PELI2: variants seen among roughly 807,000 people sequenced by gnomAD.
The protein encoded by PELI2 is pellino E3 ubiquitin protein ligase family member 2, also known as E3 ubiquitin-protein ligase pellino homolog 2.
A neutral mutation model predicts 42.3 loss-of-function variants in PELI2; 23 were observed. The observed-to-expected ratio is 0.54, with a 90% CI of 0.39 to 0.77. The LOEUF is 0.77. Ranked by LOEUF, PELI2 falls within the 30% of genes least tolerant of loss-of-function variation. PELI2 has a pLI of 0.00. For missense variants in PELI2, 463 were observed against 553.2 expected (o/e 0.84, Z 1.64); for synonymous variants, 245 against 212.2 (o/e 1.15, Z -1.34).
chr14:56,136,657 T>C (rs1883697578), intron 1 of PELI2, among the ~76,000 whole-genome samples: 1 of 152,168 alleles, frequency 6.6e-6, no homozygotes, highest in African/African-American at 2.4e-5. Context: ...ACTTAGTGAG[T>C]GTCAGGGGTT....
intron 2 of PELI2, among the ~76,000 whole-genome samples, chr14:56,244,075 A>G (rs1053141923): frequency 3.9e-5 from 6 of 152,178 alleles, no homozygotes; most frequent in African/African-American, 1.4e-4. Context: ...GAGTCTTCCC[A>G]GATCAAGTAC....
At chr14:56,239,766 T>G (rs10498483) in intron 2 of PELI2, among the ~76,000 whole-genome samples, 1 of 151,930 alleles carries the variant, frequency 6.6e-6, no homozygotes, top group Non-Finnish European at 1.5e-5. Flanking sequence ...GGGAAGTCCT[T>G]TAGAGAAGCA....
chr14:56,166,288 T>G (rs1884959634), intron 1 of PELI2, among the ~76,000 whole-genome samples: 2 of 152,310 alleles, frequency 1.3e-5, no homozygotes, highest in Admixed American at 1.3e-4. Context: ...CTCCACCTGC[T>G]TTTTAACTTT....
intron 5 of PELI2, 140 bp from the exon 6 acceptor site, chr14:56,296,460 C>G (rs143238628): frequency 1.5e-5 from 9 of 613,450 alleles, no homozygotes; most frequent in Non-Finnish European, 1.7e-5. Flanking sequence ...ATAGGTTACT[C>G]CCCCAGTTCT....
chr14:56,192,476 T>C (rs1885982957), intron 2 of PELI2, among the ~76,000 whole-genome samples: 1 of 152,212 alleles, frequency 6.6e-6, no homozygotes, highest in Non-Finnish European at 1.5e-5. Context: ...GCAGCATCTA[T>C]GGCCTTTACC....
chr14:56,177,621 A>G (rs757282158), intron 1 of PELI2, among the ~76,000 whole-genome samples: 2 of 152,202 alleles, frequency 1.3e-5, no homozygotes, highest in African/African-American at 4.8e-5. Context: ...AAGCACTGGT[A>G]TTAGCTAAAT....
At chr14:56,214,870 A>G (rs760205081) in intron 2 of PELI2, among the ~76,000 whole-genome samples, 20 of 152,234 alleles carry the variant, frequency 1.3e-4, no homozygotes, top group Non-Finnish European at 2.8e-4. Flanking sequence ...GAAATGACCA[A>G]GGAGATAAAC....
intron 1 of PELI2, among the ~76,000 whole-genome samples, chr14:56,137,799 G>A (rs574968019): frequency 4.6e-5 from 7 of 152,266 alleles, no homozygotes; most frequent in African/African-American, 1.7e-4. Flanking sequence ...AACATTGATC[G>A]TTGCAGAGAG....
intron 3 of PELI2, among the ~76,000 whole-genome samples, chr14:56,287,843 G>C (rs535656181): frequency 4.2e-4 from 64 of 152,184 alleles, no homozygotes; most frequent in Non-Finnish European, 6.9e-4. Flanking sequence ...ACATTGCCTA[G>C]TTTGTAGATA....
chr14:56,171,368 G>A (rs1885162870), intron 1 of PELI2, among the ~76,000 whole-genome samples: 1 of 152,128 alleles, frequency 6.6e-6, no homozygotes, highest in Non-Finnish European at 1.5e-5. Flanking sequence ...AAACATCTAG[G>A]GAGGCCAAGC....
chr14:56,291,378 T>A (rs1889824380), intron 5 of PELI2, among the ~76,000 whole-genome samples: 1 of 152,240 alleles, frequency 6.6e-6, no homozygotes, highest in East Asian at 1.9e-4. Context: ...TTCACTGACC[T>A]CATTTGCTGT....
chr14:56,208,076 G>C (rs374579842), intron 2 of PELI2, among the ~76,000 whole-genome samples: 59 of 152,342 alleles, frequency 3.9e-4, no homozygotes, highest in Admixed American at 1.4e-3. Flanking sequence ...TGTTATCAAG[G>C]TGCATCAGCC....
rs112113320 is a variant in PELI2 at position 56,255,788 on chromosome 14, T to G, written c.208-23888T>G. 7.2e-3 allele frequency among the ~76,000 whole-genome samples: 1,103 copies of G among 152,258 alleles called. 11 individuals carry two copies. Among genetic ancestry groups the G allele is most frequent in the African/African-American group, 0.025 (1,046 of 41,546 alleles). ...GTGGGGAAGGCTGGCTGCCCCACTC[T>G]AATCTTATTATGCAAATGAATTATC... On this transcript the variant is annotated intron_variant, in intron 2 of 5. Transcript: ENST00000267460.
At chr14:56,263,716 C>T (rs919420190) in intron 2 of PELI2, among the ~76,000 whole-genome samples, 3 of 152,056 alleles carry the variant, frequency 2.0e-5, no homozygotes, top group Non-Finnish European at 4.4e-5. Context: ...AAAGTGTACA[C>T]AGAAGGATGA....
chr14:56,250,236 T>C (rs1290107547), intron 2 of PELI2, among the ~76,000 whole-genome samples: 11 of 152,270 alleles, frequency 7.2e-5, no homozygotes, highest in African/African-American at 2.4e-4. Flanking sequence ...AACATTTCTA[T>C]TTGTTGATGG....
intron 2 of PELI2, among the ~76,000 whole-genome samples, chr14:56,189,194 C>T (rs1885874293): frequency 6.6e-6 from 1 of 152,142 alleles, no homozygotes; most frequent in South Asian, 2.1e-4. Flanking sequence ...TTATATCAGT[C>T]AGTTGAGACC....
intron 1 of PELI2, among the ~76,000 whole-genome samples, chr14:56,167,658 C>G (rs1040432873): frequency 6.6e-6 from 1 of 152,160 alleles, no homozygotes; most frequent in Admixed American, 6.5e-5. Context: ...ATTTGTTTCT[C>G]TATGTTTGGT....
chr14:56,135,096 C>G (rs1042071403), intron 1 of PELI2, among the ~76,000 whole-genome samples: 22 of 152,094 alleles, frequency 1.4e-4, no homozygotes, highest in Non-Finnish European at 3.2e-4. Flanking sequence ...CATTAAAGTT[C>G]TTGGTCTTAA....
chr14:56,300,015 C>T lies in PELI2; in HGVS notation c.*2849C>T, dbSNP rs1890126157. The T allele has an allele frequency of 1.3e-5, 2 of 152,550 alleles. No homozygotes were observed. Among genetic ancestry groups the T allele is most frequent in the Non-Finnish European group, 2.9e-5 (2 of 68,028 alleles). 9.4% of individuals were successfully genotyped at this position (152,550 alleles called of 1,614,324 possible). ...TGCATGCTGCAACTCTCAACATTTC[C>T]CTTATTTGGTTCAGCTTTTAGCAAA... is the stretch of plus-strand genomic sequence containing the variant. On this transcript the variant is annotated 3_prime_UTR_variant, in exon 6 of 6. Transcript: ENST00000267460.
Sources: allele counts gnomAD v4.1 joint callset (sites outside exome capture counted in the v4.1 genomes callset), GRCh38; gene constraint gnomAD v4.1.1; transcripts MANE v1.5; gene names NCBI Gene and HGNC (gene_info 2026-07-23, HGNC 2026-07-21).